Variants in SPIRE1 observed in about 807,000 individuals in gnomAD.
SPIRE1 encodes the protein spire type actin nucleation factor 1.
A neutral mutation model predicts 94.1 loss-of-function variants in SPIRE1; 40 were observed. The observed-to-expected ratio is 0.43, with a 90% CI of 0.33 to 0.55. SPIRE1 has a LOEUF of 0.55. Ranked by LOEUF, SPIRE1 falls within the 20% of genes least tolerant of loss-of-function variation. SPIRE1 has a pLI of 0.06. For missense variants in SPIRE1, 838 were observed against 975.2 expected (o/e 0.86, Z 1.87); for synonymous variants, 376 against 371.7 (o/e 1.01, Z -0.13).
rs76268426 is a variant in SPIRE1, at chr18:12,529,804, G to A, written c.729+5672C>T. Among the ~76,000 whole-genome samples, 908 of 152,256 alleles carry A rather than the reference G, an allele frequency of 6.0e-3. 8 individuals are homozygous for A. Among genetic ancestry groups the A allele is most frequent in the African/African-American group, 0.021 (856 of 41,554 alleles). ...TACATAATCTAGAGAACAGAGATTA[G>A]GACATTAAAAACCTATTTTACATGC... On this transcript the variant is annotated intron_variant, in intron 4 of 16. Transcript: ENST00000409402.
chr18:12,453,162 A>G (rs775578606), intron 13 of SPIRE1, 24 bp from the exon 14 acceptor site: 104 of 1,551,746 alleles, frequency 6.7e-5, no homozygotes, highest in African/African-American at 9.7e-5. Flanking sequence ...ATTTAAGAGG[A>G]AAAAAAACAT....
At chr18:12,605,591 T>C (rs906146030) in intron 2 of SPIRE1, among the ~76,000 whole-genome samples, 47 of 152,158 alleles carry the variant, frequency 3.1e-4, no homozygotes, top group African/African-American at 1.0e-3. Flanking sequence ...AAATTACTTA[T>C]CCAAGCAGGC....
At chr18:12,625,063 T>A (rs1475909020) in intron 2 of SPIRE1, among the ~76,000 whole-genome samples, 2 of 85,804 alleles carry the variant, frequency 2.3e-5, no homozygotes, top group African/African-American at 9.0e-5. Flanking sequence ...TGGGCGGGGG[T>A]GGGGGAAGCA....
chr18:12,610,879 C>T (rs2037120739), intron 2 of SPIRE1, among the ~76,000 whole-genome samples: 1 of 152,126 alleles, frequency 6.6e-6, no homozygotes, highest in South Asian at 2.1e-4. Flanking sequence ...AACCTCCCAC[C>T]ATCCCATCTC....
chr18:12,641,306 A>G (rs768035384), intron 1 of SPIRE1, among the ~76,000 whole-genome samples: 1 of 152,152 alleles, frequency 6.6e-6, no homozygotes, highest in African/African-American at 2.4e-5. Flanking sequence ...ATAGTTTTGT[A>G]GTTAACAGGC....
chr18:12,557,641 G>A (rs113139784), intron 2 of SPIRE1, among the ~76,000 whole-genome samples: 4 of 152,242 alleles, frequency 2.6e-5, no homozygotes, highest in African/African-American at 4.8e-5. Context: ...GAGAGTGGAT[G>A]CTGAGGCCTG....
chr18:12,518,062 G>A (rs1319045077), intron 4 of SPIRE1, among the ~76,000 whole-genome samples: 2 of 152,164 alleles, frequency 1.3e-5, no homozygotes, highest in Non-Finnish European at 2.9e-5. Context: ...GACCAGGCTG[G>A]AGCAGTGGTG....
chr18:12,450,978 A>T, intron 16 of SPIRE1: 1 of 564,972 alleles, frequency 1.8e-6, no homozygotes. Flanking sequence ...GCCCAGAAAA[A>T]GGTGGAAGAG....
At chr18:12,463,266 C>T in intron 12 of SPIRE1, 85 bp downstream of exon 12, 1 of 1,338,544 alleles carries the variant, frequency 7.5e-7, no homozygotes, top group Admixed American at 2.4e-5. Flanking sequence ...AAGTTTTTTT[C>T]TCCTTATCAT....
rs2035634552 is a variant in SPIRE1 at position 12,559,889 on chromosome 18, A to G, written c.373-12985T>C. ...CCACAATATATAAGGACCTCAAACAATTCTATAGGAAAAAATCTAATAATC... is the reference window on the plus strand; with the variant it reads ...CCACAATATATAAGGACCTCAAACAGTTCTATAGGAAAAAATCTAATAATC... On this transcript the variant is annotated intron_variant, in intron 2 of 16. Transcript: ENST00000409402. The surrounding 1 kb of genome is among the most constrained non-coding windows in gnomAD (Gnocchi z 4.7). Among the ~76,000 whole-genome samples the G allele has an allele frequency of 6.6e-6, 1 of 152,228 alleles. No individual in the cohort carries two copies. Among genetic ancestry groups the G allele is most frequent in the Admixed American group, 6.5e-5 (1 of 15,280 alleles).
chr18:12,512,601 A>G lies in SPIRE1; in HGVS notation c.730-70T>C, dbSNP rs2034070818. 1.7e-5 allele frequency: 16 copies of G among 939,726 alleles called. No individual in the cohort carries two copies. The South Asian group carries it at 2.2e-4, about 13-fold the overall frequency. 58.2% of individuals were successfully genotyped at this position (939,726 alleles called of 1,614,324 possible). On this transcript the variant is annotated intron_variant, in intron 4 of 16. Coordinates refer to ENST00000409402, the MANE Select transcript of SPIRE1 (RefSeq NM_001128626.2). The stretch of plus-strand genomic sequence containing the variant: ...CTTCTCAAATTAAAATTCCTAACAT[A>G]TCTTCAGATAAGACATATATTCAAG...
chr18:12,636,778 T>C (rs772138011), intron 1 of SPIRE1, among the ~76,000 whole-genome samples: 1 of 152,242 alleles, frequency 6.6e-6, no homozygotes, highest in Non-Finnish European at 1.5e-5. Context: ...TATTGTTACA[T>C]AAAACTCTAC....
intron 2 of SPIRE1, among the ~76,000 whole-genome samples, chr18:12,625,350 A>G (rs1435695542): frequency 6.6e-6 from 1 of 152,220 alleles, no homozygotes; most frequent in Non-Finnish European, 1.5e-5. Flanking sequence ...AAGCATTCCT[A>G]AACATTCCTC....
chr18:12,486,039 C>T, intron 8 of SPIRE1, 39 bp from the exon 9 acceptor site: 1 of 1,478,880 alleles, frequency 6.8e-7, no homozygotes, highest in Non-Finnish European at 9.1e-7. Flanking sequence ...GAAAATAATT[C>T]AGCTGTTAGG....
chr18:12,648,945 C>T (rs1036374466), intron 1 of SPIRE1, among the ~76,000 whole-genome samples: 7 of 146,412 alleles, frequency 4.8e-5, no homozygotes, highest in Non-Finnish European at 7.6e-5. Flanking sequence ...CTGGGGAAAC[C>T]CAAATGAAGT....
chr18:12,629,767 C>T (rs2037726001), intron 2 of SPIRE1, among the ~76,000 whole-genome samples: 2 of 152,068 alleles, frequency 1.3e-5, no homozygotes, highest in East Asian at 3.8e-4. Flanking sequence ...GTAAATTATA[C>T]TTTCAAAAAG....
intron 3 of SPIRE1, among the ~76,000 whole-genome samples, chr18:12,542,053 T>G (rs1326789895): frequency 6.6e-6 from 1 of 151,954 alleles, no homozygotes; most frequent in Non-Finnish European, 1.5e-5. Context: ...CTCGGCTCAC[T>G]GCAACCTCTG....
intron 6 of SPIRE1, 52 bp from the exon 7 acceptor site, chr18:12,496,154 G>T: frequency 8.1e-7 from 1 of 1,237,600 alleles, no homozygotes; most frequent in Non-Finnish European, 1.2e-6. Context: ...AGACTATCAT[G>T]AATTTCTGGG....
chr18:12,498,710 T>C (rs990079534), intron 6 of SPIRE1, among the ~76,000 whole-genome samples: 5 of 152,160 alleles, frequency 3.3e-5, no homozygotes, highest in Non-Finnish European at 7.4e-5. Flanking sequence ...CACTGCCGTC[T>C]TGACCTCCCA....
Sources: gnomAD v4.1 joint callset for allele counts (sites outside exome capture counted in the v4.1 genomes callset) on GRCh38, gnomAD v4.1.1 for gene constraint, Gnocchi (gnomAD v3.1) non-coding constraint, MANE v1.5 for transcripts, NCBI Gene and HGNC (gene_info 2026-07-23, HGNC 2026-07-21) for gene names.